The following ATRN variants were observed in gnomAD, a reference collection of about 807,000 sequenced individuals.
The protein encoded by ATRN is attractin-2.
ATRN carries 54 observed loss-of-function variants against 178.7 expected under a neutral mutation model. The observed-to-expected ratio is 0.30, with a 90% CI of 0.24 to 0.38. The LOEUF (loss-of-function observed/expected upper bound fraction) is 0.38, where lower values mean the gene tolerates loss of function less well. ATRN is among the 10% of genes least tolerant of loss of function. The pLI, the probability that ATRN is intolerant of heterozygous loss-of-function variation, is 1.00. For missense variants in ATRN, 1,443 were observed against 1,815.1 expected (o/e 0.79, Z 3.73); for synonymous variants, 636 against 663.0 (o/e 0.96, Z 0.63).
In ATRN at chr20:3,565,449, T is replaced by C; in HGVS notation, c.1871+17T>C. 2 of 1,595,372 alleles carry C rather than the reference T, an allele frequency of 1.3e-6. No individual in the cohort carries two copies. The highest frequency in any genetic ancestry group is 1.7e-6 in the Non-Finnish European group (2 of 1,163,074). ...ACACAACAGGTAATTGGAGAAGTGA[T>C]TGCTCCTTTTCTTTTGTGTTTAAAA... On this transcript the variant is annotated intron_variant, in intron 11 of 28. Coordinates refer to ENST00000262919, the MANE Select transcript of ATRN (RefSeq NM_139321.3).
At chr20:3,490,532 A>G (rs973574588) in intron 1 of ATRN, 18 of 1,190,628 alleles carry the variant, frequency 1.5e-5, no homozygotes, top group African/African-American at 9.0e-5. Context: ...ATGGACAGGT[A>G]TGTGATATAA....
At chr20:3,615,567 T>G (rs1049700454) in intron 24 of ATRN, among the ~76,000 whole-genome samples, 1 of 145,122 alleles carries the variant, frequency 6.9e-6, no homozygotes, top group Admixed American at 6.8e-5. Context: ...CTTTTTTTTT[T>G]TTTTTGGAGA....
intron 13 of ATRN, among the ~76,000 whole-genome samples, chr20:3,576,545 A>G (rs1230238892): frequency 2.0e-5 from 3 of 152,060 alleles, no homozygotes; most frequent in African/African-American, 7.3e-5. Flanking sequence ...CAACATTCCC[A>G]TTTTACAGAT....
chr20:3,481,637 T>C (rs1477495200), intron 1 of ATRN, among the ~76,000 whole-genome samples: 4 of 150,624 alleles, frequency 2.7e-5, no homozygotes, highest in African/African-American at 4.9e-5. Context: ...AGAGCCACCA[T>C]GCTTGGACCC....
In ATRN at chr20:3,644,093, A is replaced by T. The variant is rs1007565708; in HGVS notation, c.4051-61A>T. ...TTCTTATAAGCACAAATGACCGTTA[A>T]GTTGTCCGTATACATTAAAGCTTGA... On this transcript the variant is annotated intron_variant, in intron 27 of 28. Transcript: ENST00000262919. 2.4e-6 allele frequency: 3 copies of T among 1,251,804 alleles called. No individual in the cohort carries two copies. The African/African-American group carries it at 4.4e-5, about 19-fold the overall frequency. The allele number at this position is 1,251,804 out of a possible 1,614,324, so 77.5% of individuals were successfully genotyped here.
At chr20:3,617,818 G>A (rs923031687) in intron 24 of ATRN, among the ~76,000 whole-genome samples, 3 of 152,154 alleles carry the variant, frequency 2.0e-5, no homozygotes, top group African/African-American at 4.8e-5. Context: ...AGTTCTGTTC[G>A]CCTTTACAGG....
intron 11 of ATRN, among the ~76,000 whole-genome samples, chr20:3,572,393 G>A (rs548965985): frequency 1.3e-5 from 2 of 152,280 alleles, no homozygotes; most frequent in South Asian, 4.2e-4. Flanking sequence ...TATTCTGGGT[G>A]TGTTATAGGC....
Position 3,547,375 on chromosome 20 carries a change from T to A in ATRN, c.829T>A (p.Trp277Arg). 6.2e-7 allele frequency: 1 copy of A among 1,613,960 alleles called. No individual in the cohort carries two copies. ...TGTTGAATGTGAATGTTCTGAAAAC[T>A]GGAAAGGTGAAGCATGTGACATTCC... The part of the protein sequence containing the change: ...DTVECECSEN[W>R]KGEACDIPHC... Residue 277 changes from tryptophan (W) to arginine (R), a missense_variant, in exon 5 of 29, where the codon TGG becomes AGG. Trp to Arg is a moderately radical substitution (Grantham distance 101). Around this residue, in one of 4 missense-constraint regions of ATRN, gnomAD observed 862 missense variants for 972.1 expected, o/e 0.89. Coordinates refer to ENST00000262919, the MANE Select transcript of ATRN (RefSeq NM_139321.3).
rs182931719 is a variant in ATRN, at chr20:3,502,396, A to C, written c.410+30879A>C. ...AAGTTTATAAGAAGAAAGTGAACTG[A>C]CTTGGGATCACAGCATTGGAAGAAC... On this transcript the variant is annotated intron_variant, in intron 1 of 28. Transcript: ENST00000262919. 1.8e-3 allele frequency among the ~76,000 whole-genome samples: 276 copies of C among 152,248 alleles called. 2 individuals are homozygous for C. The highest frequency in any genetic ancestry group is 0.016 in the South Asian group (78 of 4,816).
chr20:3,641,701 C>A lies in ATRN; in HGVS notation c.4051-2453C>A, dbSNP rs950229645. On this transcript the variant is annotated intron_variant, in intron 27 of 28. Coordinates refer to ENST00000262919, the MANE Select transcript of ATRN (RefSeq NM_139321.3). ...AGAGTGAGAGAATGTCTTTGAAGTACTGAAAGAAACCTCCCCACCTAGAAT... is the reference window on the plus strand; with the variant it reads ...AGAGTGAGAGAATGTCTTTGAAGTAATGAAAGAAACCTCCCCACCTAGAAT... 6.1e-5 allele frequency among the ~76,000 whole-genome samples: 9 copies of A among 147,216 alleles called. No individual in the cohort carries two copies. The South Asian group carries it at 2.0e-3, about 33-fold the overall frequency.
intron 26 of ATRN, among the ~76,000 whole-genome samples, chr20:3,636,729 G>A (rs2087027861): frequency 6.6e-6 from 1 of 152,202 alleles, no homozygotes; most frequent in South Asian, 2.1e-4. Flanking sequence ...GAAAGGTGAA[G>A]TGACTTACAC....
rs559052230 is a variant in ATRN at position 3,546,389 on chromosome 20, G to GTTTT, written c.737+516_737+519dup. On this transcript the variant is annotated intron_variant, in intron 4 of 28. Coordinates refer to ENST00000262919, the MANE Select transcript of ATRN (RefSeq NM_139321.3). Reference sequence around the variant, plus strand: ...TTATGAGATGCGTTATAGTTCAACTGTTTTTTTTTTTTTTTTTTTTGAGAC... The same window carrying GTTTT: ...TTATGAGATGCGTTATAGTTCAACTGTTTTTTTTTTTTTTTTTTTTTTTTGAGAC... 3.4e-4 allele frequency among the ~76,000 whole-genome samples: 39 copies of GTTTT among 113,396 alleles called. 1 individual carries two copies. Among genetic ancestry groups the GTTTT allele is most frequent in the Non-Finnish European group, 4.5e-4 (25 of 55,752 alleles). 74.4% of individuals were successfully genotyped at this position (113,396 alleles called of 152,430 possible).
chr20:3,471,330 C>T lies in ATRN; in HGVS notation c.223C>T (p.Leu75=), dbSNP rs919691241. ...GTTGCTCTCGCCGCCGCTGCTGCTG[C>T]TGCTGCTGCCCTGTGAGGCCGAGGC... ...LLLLSPPLLL[L]LLPCEAEAAA... The change falls in exon 1 of 29, where the codon CTG becomes TTG. Residue 75 remains leucine (L), a synonymous_variant. Transcript: ENST00000262919. The T allele has an allele frequency of 6.1e-6, 9 of 1,486,168 alleles. No individual in the cohort carries two copies. In the African/African-American group the frequency reaches 1.2e-4, roughly 19 times the overall value. 92.1% of individuals were successfully genotyped at this position (1,486,168 alleles called of 1,614,324 possible).
intron 3 of ATRN, among the ~76,000 whole-genome samples, chr20:3,544,537 G>A (rs1428291644): frequency 1.3e-5 from 2 of 151,888 alleles, no homozygotes; most frequent in Non-Finnish European, 2.9e-5. Context: ...CAATAATGGG[G>A]CAAAAATCAT....
chr20:3,492,163 AGGGG>A (rs2084802784), intron 1 of ATRN, among the ~76,000 whole-genome samples: 1 of 82,930 alleles, frequency 1.2e-5, no homozygotes, highest in African/African-American at 4.8e-5. Flanking sequence ...TATTCTAGAT[AGGGG>A]AGTGTGTGTG....
At chr20:3,577,074 G>A in intron 14 of ATRN, 77 bp downstream of exon 14, 2 of 1,543,924 alleles carry the variant, frequency 1.3e-6, no homozygotes, top group South Asian at 2.4e-5. Context: ...TGCAGCCTAA[G>A]TTGAACCTAG....
In ATRN at chr20:3,649,379, T is replaced by G. The variant is rs1000291567; in HGVS notation, c.*2532T>G. 3 of 152,622 alleles carry G rather than the reference T, an allele frequency of 2.0e-5. No individual in the cohort carries two copies. Among genetic ancestry groups the G allele is most frequent in the Admixed American group, 6.5e-5 (1 of 15,280 alleles). 9.5% of individuals were successfully genotyped at this position (152,622 alleles called of 1,614,324 possible). A position where few individuals can be genotyped will look rare whatever the true frequency, so the allele number is the denominator to read the frequency against. ...AAACAGAAAAAATCTTCATGTATTT[T>G]TATTAAATATAACAATGTCTGAGTT... On this transcript the variant is annotated 3_prime_UTR_variant, in exon 29 of 29. Coordinates refer to ENST00000262919, the MANE Select transcript of ATRN (RefSeq NM_139321.3).
At chr20:3,500,864 A>G (rs2084953625) in intron 1 of ATRN, among the ~76,000 whole-genome samples, 1 of 152,098 alleles carries the variant, frequency 6.6e-6, no homozygotes, top group South Asian at 2.1e-4. Flanking sequence ...AAAATTTAAA[A>G]AAATAAAAAT....
At chr20:3,508,791 T>C (rs1408499099) in intron 1 of ATRN, among the ~76,000 whole-genome samples, 1 of 152,076 alleles carries the variant, frequency 6.6e-6, no homozygotes, top group Non-Finnish European at 1.5e-5. Flanking sequence ...AATATAGAAT[T>C]GAAATATACA....
Sources: gnomAD v4.1 joint callset for allele counts (sites outside exome capture counted in the v4.1 genomes callset) on GRCh38, gnomAD v4.1.1 for gene constraint, gnomAD v4.1.1 regional missense constraint, MANE v1.5 for transcripts, NCBI Gene and HGNC (gene_info 2026-07-23, HGNC 2026-07-21) for gene names.